Variants in N4BP2L2 observed in about 807,000 individuals in gnomAD.
N4BP2L2 encodes NEDD4-binding protein 2-like 2.
In N4BP2L2, 50 loss-of-function variants were observed where a neutral mutation model predicts 56.2. The observed-to-expected ratio is 0.89, with a 90% confidence interval of 0.71 to 1.13. The LOEUF (loss-of-function observed/expected upper bound fraction) is 1.13, where lower values mean the gene tolerates loss of function less well. N4BP2L2 is among the 50% of genes most tolerant of loss of function. The pLI is 0.00. For synonymous variants in N4BP2L2, 203 were observed against 223.6 expected (o/e 0.91, Z 0.82); for missense variants, 689 against 693.8 (o/e 0.99, Z 0.08).
At chr13:32,449,063 T>C (rs1313948317) in intron 6 of N4BP2L2, among the ~76,000 whole-genome samples, 1 of 152,232 alleles carries the variant, frequency 6.6e-6, no homozygotes, top group African/African-American at 2.4e-5. Context: ...ACTCAACTGA[T>C]AGAGCAGATC....
chr13:32,504,216 A>C (rs1192105377), intron 6 of N4BP2L2, among the ~76,000 whole-genome samples: 8 of 152,196 alleles, frequency 5.3e-5, no homozygotes, highest in Non-Finnish European at 1.2e-4. Context: ...TTCTCAACTA[A>C]CCAGTGTTAA....
At chr13:32,439,258 T>G (rs894346954) in intron 7 of N4BP2L2, among the ~76,000 whole-genome samples, 14 of 152,264 alleles carry the variant, frequency 9.2e-5, no homozygotes, top group Non-Finnish European at 7.3e-5. Context: ...TTATATTTTC[T>G]ATATGCACTA....
intron 6 of N4BP2L2, among the ~76,000 whole-genome samples, chr13:32,492,431 CCAGA>C (rs1159922391): frequency 6.6e-6 from 1 of 151,672 alleles, no homozygotes; most frequent in Non-Finnish European, 1.5e-5. Flanking sequence ...TACAGGCACC[CCAGA>C]CAAATTTTTT....
In N4BP2L2 at chr13:32,521,456, A is replaced by C. The variant is rs981636841; in HGVS notation, c.1474-7T>G. The stretch of plus-strand genomic sequence containing the variant: ...TGTATCCTTTTCCTATGGCCTACAC[A>C]AAGGAAAGGAAGAAAACAAAAACCC... On this transcript the variant is annotated splice_region_variant and splice_polypyrimidine_tract_variant and intron_variant, in intron 4 of 5. Coordinates refer to ENST00000267068, the Ensembl canonical transcript of N4BP2L2. 1.9e-6 allele frequency: 3 copies of C among 1,585,528 alleles called. No individual in the cohort carries two copies. The highest frequency in any genetic ancestry group is 1.4e-5 in the African/African-American group (1 of 73,160).
chr13:32,433,755 T>C (rs2075105779), intron 9 of N4BP2L2, among the ~76,000 whole-genome samples: 1 of 149,730 alleles, frequency 6.7e-6, no homozygotes, highest in Non-Finnish European at 1.5e-5. Flanking sequence ...TGAAACCCCG[T>C]CTCTACTAAA....
rs2081256879 is a variant in N4BP2L2 at position 32,466,483 on chromosome 13, C to T, written c.366-22357G>A. On this transcript the variant is annotated intron_variant, in intron 6 of 9. Coordinates refer to the N4BP2L2 transcript ENST00000357505. Reference sequence around the variant, plus strand: ...TCCAGAGGCTGAGGCACAAGAATCCCTTGAACCCAGGAGGTGTAGGTTGCA... The same window carrying T: ...TCCAGAGGCTGAGGCACAAGAATCCTTTGAACCCAGGAGGTGTAGGTTGCA... Among the ~76,000 whole-genome samples, 3 of 151,922 alleles carry T rather than the reference C, an allele frequency of 2.0e-5. No homozygotes were observed. In the South Asian group the frequency reaches 6.2e-4, roughly 31 times the overall value.
At chr13:32,505,562 C>G (rs948410213), downstream of N4BP2L2, 2 of 152,180 alleles carry the variant, frequency 1.3e-5, no homozygotes, top group African/African-American at 4.8e-5. Flanking sequence ...CAAGAAGAAA[C>G]CAGGCCATAT....
chr13:32,456,799 A>G (rs1804219168), intron 6 of N4BP2L2, among the ~76,000 whole-genome samples: 1 of 152,240 alleles, frequency 6.6e-6, no homozygotes, highest in African/African-American at 2.4e-5. Context: ...CTCAGAACTT[A>G]AAGACAAGTC....
In N4BP2L2 at chr13:32,472,159, T is replaced by TA. The variant is rs1250634397; in HGVS notation, c.366-28034dup. On this transcript the variant is annotated intron_variant, in intron 6 of 9. Transcript: ENST00000357505. ...GACAACATCGTAAAGAGCGGATTAATAAAAAAAGGTGGAGGACTGTTCACA... is the reference window on the plus strand; with the variant it reads ...GACAACATCGTAAAGAGCGGATTAATAAAAAAAAGGTGGAGGACTGTTCACA... 3.3e-5 allele frequency among the ~76,000 whole-genome samples: 5 copies of TA among 152,208 alleles called. No homozygotes were observed. The East Asian group carries it at 9.7e-4, about 29-fold the overall frequency.
chr13:32,442,689 C>T (rs534972548), exon 7 of N4BP2L2: 14 of 1,613,544 alleles, frequency 8.7e-6, no homozygotes, highest in Non-Finnish European at 1.2e-5. Flanking sequence ...AAGTCAAAAA[C>T]AGTTTCTTGT....
intron 6 of N4BP2L2, among the ~76,000 whole-genome samples, chr13:32,451,017 A>G (rs1466673707): frequency 1.3e-5 from 2 of 152,040 alleles, no homozygotes; most frequent in Admixed American, 1.3e-4. Context: ...CACCTGGCCT[A>G]AAATGTGATA....
chr13:32,527,237 G>A (rs1228207970), intron 3 of N4BP2L2, 171 bp downstream of exon 3: 3 of 632,940 alleles, frequency 4.7e-6, no homozygotes, highest in Non-Finnish European at 7.8e-6. Context: ...GATCAGGTAG[G>A]GCAAGTATAA....
chr13:32,520,455 A>G (rs1415610077), intron 5 of N4BP2L2, among the ~76,000 whole-genome samples: 1 of 151,926 alleles, frequency 6.6e-6, no homozygotes, highest in Non-Finnish European at 1.5e-5. Flanking sequence ...TCAGGAAATC[A>G]AGACCATCCT....
intron 3 of N4BP2L2, chr13:32,527,069 A>G: frequency 5.7e-6 from 1 of 174,658 alleles, no homozygotes; most frequent in Non-Finnish European, 1.2e-5. Context: ...CTACATAACA[A>G]TGGTACAGAT....
intron 6 of N4BP2L2, among the ~76,000 whole-genome samples, chr13:32,463,127 G>C (rs547698616): frequency 6.6e-6 from 1 of 151,876 alleles, no homozygotes; most frequent in Non-Finnish European, 1.5e-5. Flanking sequence ...GTACAAAAGA[G>C]ACCCAAATGG....
intron 3 of N4BP2L2, chr13:32,524,550 C>T (rs1262569882): frequency 5.9e-5 from 9 of 152,052 alleles, no homozygotes; most frequent in Non-Finnish European, 1.0e-4. Context: ...GAGATGTTTT[C>T]GATTTTAAGT....
intron 6 of N4BP2L2, among the ~76,000 whole-genome samples, chr13:32,450,615 C>T (rs1045392264): frequency 4.5e-5 from 6 of 133,836 alleles, no homozygotes; most frequent in Non-Finnish European, 7.8e-5. Context: ...TGAGCCACTG[C>T]GCCCGGCTTT....
chr13:32,487,158 C>T (rs2139257134), intron 6 of N4BP2L2, among the ~76,000 whole-genome samples: 1 of 152,182 alleles, frequency 6.6e-6, no homozygotes, highest in African/African-American at 2.4e-5. Flanking sequence ...GAGACCCCAT[C>T]ACTAAAACAA....
chr13:32,508,546 C>T (rs2091308976), downstream of N4BP2L2: 2 of 152,206 alleles, frequency 1.3e-5, no homozygotes, highest in African/African-American at 4.8e-5. Context: ...GTGTTCTTCC[C>T]AGTAAAATCA....
Sources: allele counts gnomAD v4.1 joint callset (sites outside exome capture counted in the v4.1 genomes callset), GRCh38; gene constraint gnomAD v4.1.1; transcripts MANE v1.5; gene names NCBI Gene and HGNC (gene_info 2026-07-23, HGNC 2026-07-21).